BICD1: variants seen among roughly 807,000 people sequenced by gnomAD.
BICD1 encodes BICD cargo adaptor 1, also known as protein bicaudal D homolog 1.
In BICD1, 35 loss-of-function variants were observed where a neutral mutation model predicts 92.5. The observed-to-expected ratio is 0.38, with a 90% CI of 0.29 to 0.50. The LOEUF (loss-of-function observed/expected upper bound fraction) is 0.50. Among genes scored for constraint, BICD1 ranks in the 20% least tolerant of loss-of-function variants. The pLI is 0.93. For missense variants in BICD1, 950 were observed against 1,189.8 expected, an observed-to-expected ratio of 0.80 and a Z score of 2.97; for synonymous variants, 429 against 465.1, an observed-to-expected ratio of 0.92 and a Z score of 1.00.
At chr12:32,222,272 G>A (rs979416169) in intron 2 of BICD1, among the ~76,000 whole-genome samples, 1 of 152,150 alleles carries the variant, frequency 6.6e-6, no homozygotes, top group African/African-American at 2.4e-5. Flanking sequence ...ATGAATTATC[G>A]ACCTTAGTAG....
chr12:32,223,278 G>T (rs1449015328), intron 2 of BICD1, among the ~76,000 whole-genome samples: 1 of 152,180 alleles, frequency 6.6e-6, no homozygotes, highest in Non-Finnish European at 1.5e-5. Context: ...AGCACTTTGG[G>T]AGGCCAAGGC....
At chr12:32,177,420 G>C (rs977122593) in intron 1 of BICD1, among the ~76,000 whole-genome samples, 29 of 148,494 alleles carry the variant, frequency 2.0e-4, no homozygotes, top group African/African-American at 6.9e-4. Flanking sequence ...TTTATCTGTT[G>C]ATCTGGAGGA....
chr12:32,160,444 A>G (rs1386401319), intron 1 of BICD1, among the ~76,000 whole-genome samples: 1 of 152,218 alleles, frequency 6.6e-6, no homozygotes, highest in East Asian at 1.9e-4. Flanking sequence ...GCTAAAATAA[A>G]TGTAACCACT....
At chr12:32,250,034 G>A (rs539799012) in intron 2 of BICD1, among the ~76,000 whole-genome samples, 1 of 152,034 alleles carries the variant, frequency 6.6e-6, no homozygotes, top group African/African-American at 2.4e-5. Flanking sequence ...GAAAAGACAA[G>A]AAGCATATTA....
At position 32,381,103 on chromosome 12, in the gene BICD1, A is replaced by G. The variant is rs1318247430; in HGVS notation, c.*3476A>G. ...TCTTTTATTTTAAGTTTTAAAATACATTAAAATTTTACTGGTTAATCATAA... is the reference window on the plus strand; with the variant it reads ...TCTTTTATTTTAAGTTTTAAAATACGTTAAAATTTTACTGGTTAATCATAA... On this transcript the variant is annotated 3_prime_UTR_variant, in exon 10 of 10. Coordinates refer to ENST00000652176, the MANE Select transcript of BICD1 (RefSeq NM_001714.4). The G allele has an allele frequency of 1.3e-5, 2 of 152,152 alleles. No homozygotes were observed. The highest frequency in any genetic ancestry group is 2.9e-5 in the Non-Finnish European group (2 of 67,972). 9.4% of individuals were successfully genotyped at this position (152,152 alleles called of 1,614,324 possible). A position where few individuals can be genotyped will look rare whatever the true frequency, so the allele number is the denominator to read the frequency against.
chr12:32,236,882 T>G (rs1946088437), intron 2 of BICD1, among the ~76,000 whole-genome samples: 1 of 146,110 alleles, frequency 6.8e-6, no homozygotes, highest in Non-Finnish European at 1.5e-5. Flanking sequence ...CTTTTTTTTT[T>G]TTTTTTTTTT....
At chr12:32,113,252 A>G (rs892307009) in intron 1 of BICD1, among the ~76,000 whole-genome samples, 11 of 152,136 alleles carry the variant, frequency 7.2e-5, no homozygotes, top group Non-Finnish European at 1.5e-4. Flanking sequence ...GGATGTTACT[A>G]TATGTGGAAA....
intron 1 of BICD1, among the ~76,000 whole-genome samples, chr12:32,196,681 A>G (rs545832460): frequency 3.3e-5 from 5 of 152,344 alleles, no homozygotes; most frequent in South Asian, 2.1e-4. Context: ...TTTAAGATGA[A>G]TAAGTTCAGT....
At chr12:32,115,226 G>A (rs4931609) in intron 1 of BICD1, among the ~76,000 whole-genome samples, 2,066 of 152,184 alleles carry the variant, frequency 0.014, 137 homozygotes, top group Admixed American at 0.1. Flanking sequence ...AGTTTTTATT[G>A]CAGTACTCCA....
At chr12:32,118,091 A>ATTTTATTTTATTTTATTTTATTTTTTTT (rs1555126592) in intron 1 of BICD1, among the ~76,000 whole-genome samples, 19 of 46,870 alleles carry the variant, frequency 4.1e-4, no homozygotes, top group African/African-American at 7.3e-4. Flanking sequence ...TATTTTATTT[A>ATTTTATTTTATTTTATTTTATTTTTTTT]TTTTTTTTGA....
intron 3 of BICD1, 75 bp downstream of exon 3, chr12:32,294,221 C>G: frequency 7.3e-7 from 1 of 1,362,292 alleles, no homozygotes. Context: ...AATCTCCAAA[C>G]TTGTCAGAAT....
intron 1 of BICD1, among the ~76,000 whole-genome samples, chr12:32,146,809 TCCTCCCTCCCTC>T (rs34969678): frequency 9.4e-5 from 10 of 106,042 alleles, no homozygotes; most frequent in African/African-American, 2.6e-4. Flanking sequence ...CTTCCTCCTT[TCCTCCCTCCCTC>T]CCTCCCTCCC....
At chr12:32,132,280 G>A (rs1331121293) in intron 1 of BICD1, among the ~76,000 whole-genome samples, 8 of 151,986 alleles carry the variant, frequency 5.3e-5, no homozygotes, top group Admixed American at 5.3e-4. Flanking sequence ...GCTGGGTGTG[G>A]TGGCAGGCGC....
At chr12:32,274,271 C>T (rs1947221008) in intron 2 of BICD1, among the ~76,000 whole-genome samples, 1 of 152,120 alleles carries the variant, frequency 6.6e-6, no homozygotes, top group Admixed American at 6.5e-5. Flanking sequence ...CAGATCAATA[C>T]CTCGAAGTCT....
chr12:32,162,845 G>A (rs1214630748), intron 1 of BICD1, among the ~76,000 whole-genome samples: 1 of 152,114 alleles, frequency 6.6e-6, no homozygotes, highest in African/African-American at 2.4e-5. Flanking sequence ...AATTAGCCAG[G>A]CGTAGTGATA....
At position 32,328,657 on chromosome 12, in the gene BICD1, G is replaced by T; in HGVS notation, c.2100+102G>T. The T allele has an allele frequency of 2.1e-6, 3 of 1,446,290 alleles. No homozygotes were observed. Among genetic ancestry groups the T allele is most frequent in the Non-Finnish European group, 2.8e-6 (3 of 1,080,292 alleles). The allele number at this position is 1,446,290 out of a possible 1,614,324, so 89.6% of individuals were successfully genotyped here. A position where few individuals can be genotyped will look rare whatever the true frequency, so the allele number is the denominator to read the frequency against. On this transcript the variant is annotated intron_variant, in intron 5 of 9. Transcript: ENST00000652176. This position sits in a 1 kb window ranked among gnomAD's most constrained non-coding sequence, Gnocchi z 4.4. The stretch of plus-strand genomic sequence containing the variant: ...CGAGTATCGTCAAGATGAGAGTTCA[G>T]ATTCTTGGTAAGTGGATAAATAAAA...
At chr12:32,113,104 C>T (rs1941758274) in intron 1 of BICD1, among the ~76,000 whole-genome samples, 1 of 152,046 alleles carries the variant, frequency 6.6e-6, no homozygotes, top group Admixed American at 6.5e-5. Flanking sequence ...GCCAAGTCTA[C>T]AAGTGCAGTA....
chr12:32,277,753 T>G (rs1299097009), intron 2 of BICD1, among the ~76,000 whole-genome samples: 2 of 152,202 alleles, frequency 1.3e-5, no homozygotes, highest in African/African-American at 4.8e-5. Context: ...AGCTGTAAAC[T>G]ATATTAATTC....
chr12:32,301,323 G>A (rs1948037999), intron 3 of BICD1, among the ~76,000 whole-genome samples: 1 of 152,112 alleles, frequency 6.6e-6, no homozygotes, highest in Admixed American at 6.6e-5. Context: ...TTGAAATGCA[G>A]TCAGTCAGCA....
Sources: allele counts gnomAD v4.1 joint callset (sites outside exome capture counted in the v4.1 genomes callset), GRCh38; gene constraint gnomAD v4.1.1; non-coding constraint Gnocchi (gnomAD v3.1); transcripts MANE v1.5; gene names NCBI Gene and HGNC (gene_info 2026-07-23, HGNC 2026-07-21).